The following DOCK3 variants were observed in gnomAD, a reference collection of about 807,000 sequenced individuals.
The protein encoded by DOCK3 is dedicator of cytokinesis 3, also known as dedicator of cytokinesis protein 3.
Under a neutral mutation model 265.6 loss-of-function variants are expected in DOCK3, and 60 were observed. The ratio of observed to expected loss-of-function variants is 0.23; its 90% confidence interval spans 0.18 to 0.28. The LOEUF (loss-of-function observed/expected upper bound fraction) is 0.28. DOCK3 is among the 10% of genes least tolerant of loss of function. The probability of loss-of-function intolerance (pLI) is 1.00; values close to 1 mark genes in which losing one functional copy is unlikely to be tolerated. For missense variants in DOCK3, 1,981 were observed against 2,594.3 expected (o/e 0.76, Z 5.14); for synonymous variants, 881 against 938.0 (o/e 0.94, Z 1.11).
At chr3:50,897,594 T>C (rs1009499986) in intron 4 of DOCK3, among the ~76,000 whole-genome samples, 1 of 152,212 alleles carries the variant, frequency 6.6e-6, no homozygotes, top group Non-Finnish European at 1.5e-5. Context: ...CTTTTGCCCA[T>C]TGAGTATGAC....
At chr3:50,716,488 AC>A (rs1256847491) in intron 1 of DOCK3, among the ~76,000 whole-genome samples, 1 of 152,066 alleles carries the variant, frequency 6.6e-6, no homozygotes, top group Non-Finnish European at 1.5e-5. Context: ...AGATCACGCC[AC>A]TGCACTCCAG....
At chr3:51,249,680 GC>G (rs2079086459) in intron 22 of DOCK3, among the ~76,000 whole-genome samples, 1 of 120,602 alleles carries the variant, frequency 8.3e-6, no homozygotes, top group Non-Finnish European at 1.8e-5. Flanking sequence ...CCGGCCAGCC[GC>G]CCCGTCCGGG....
At chr3:50,859,560 C>A (rs2609016) in intron 3 of DOCK3, among the ~76,000 whole-genome samples, 15,068 of 151,944 alleles carry the variant, frequency 0.099, 927 homozygotes, top group Non-Finnish European at 0.13. Context: ...GGCCAGAGTT[C>A]TTACATTGAT....
intron 3 of DOCK3, among the ~76,000 whole-genome samples, chr3:50,860,429 A>C (rs370770074): frequency 4.0e-5 from 6 of 151,886 alleles, no homozygotes; most frequent in African/African-American, 1.2e-4. Context: ...CAGTGAGGAG[A>C]TATGGGAACA....
intron 22 of DOCK3, among the ~76,000 whole-genome samples, chr3:51,249,422 G>A (rs2079054349): frequency 7.6e-6 from 1 of 131,918 alleles, no homozygotes; most frequent in Admixed American, 7.1e-5. Context: ...CGGGAGGTGA[G>A]GGGCGCCTCT....
intron 1 of DOCK3, among the ~76,000 whole-genome samples, chr3:50,706,493 C>T (rs964252693): frequency 8.6e-5 from 13 of 152,028 alleles, no homozygotes; most frequent in Admixed American, 1.3e-4. Context: ...ATATGTTATT[C>T]GATGCTTTTT....
intron 35 of DOCK3, among the ~76,000 whole-genome samples, chr3:51,336,487 C>T (rs963031519): frequency 5.9e-5 from 9 of 152,130 alleles, no homozygotes; most frequent in Non-Finnish European, 1.2e-4. Context: ...TGAGGGCTTC[C>T]TGGTCACTGA....
At chr3:51,174,230 C>T (rs763555272) in intron 12 of DOCK3, among the ~76,000 whole-genome samples, 12 of 151,950 alleles carry the variant, frequency 7.9e-5, no homozygotes, top group East Asian at 1.9e-4. Context: ...TGAGGTTAGG[C>T]GGATCACATG....
At chr3:51,264,852 A>ATAAATAAATAAATAAC (rs2080073442) in intron 23 of DOCK3, among the ~76,000 whole-genome samples, 1 of 151,314 alleles carries the variant, frequency 6.6e-6, no homozygotes, top group Admixed American at 6.6e-5. Flanking sequence ...AAATAAATAA[A>ATAAATAAATAAATAAC]TAAATAACTT....
chr3:50,988,204 G>A (rs917950021), intron 5 of DOCK3, among the ~76,000 whole-genome samples: 1 of 152,102 alleles, frequency 6.6e-6, no homozygotes, highest in African/African-American at 2.4e-5. Context: ...GGGCTTTGGA[G>A]AGTCTGAGCT....
chr3:51,333,810 A>C (rs1576838686), intron 35 of DOCK3, among the ~76,000 whole-genome samples: 1 of 151,920 alleles, frequency 6.6e-6, no homozygotes, highest in East Asian at 1.9e-4. Flanking sequence ...GAGCTCAGAG[A>C]TCTTCATATT....
intron 5 of DOCK3, among the ~76,000 whole-genome samples, chr3:51,014,869 T>C (rs2079090076): frequency 6.6e-6 from 1 of 152,150 alleles, no homozygotes; most frequent in African/African-American, 2.4e-5. Context: ...TTCTTTGATT[T>C]AATTAATTTC....
chr3:50,830,104 A>G (rs1336780130), intron 2 of DOCK3, among the ~76,000 whole-genome samples: 2 of 152,200 alleles, frequency 1.3e-5, no homozygotes, highest in East Asian at 1.9e-4. Flanking sequence ...TTATTTTTAC[A>G]AGTGATTGGC....
intron 39 of DOCK3, among the ~76,000 whole-genome samples, chr3:51,349,614 G>A (rs1024202092): frequency 1.3e-5 from 2 of 152,200 alleles, no homozygotes; most frequent in African/African-American, 4.8e-5. Context: ...ATGCATTATA[G>A]CTATCTTCCC....
At chr3:50,829,361 C>T (rs2044986488) in intron 2 of DOCK3, among the ~76,000 whole-genome samples, 1 of 152,172 alleles carries the variant, frequency 6.6e-6, no homozygotes, top group African/African-American at 2.4e-5. Flanking sequence ...GTCAGCCTCT[C>T]AGCTGCTGCT....
intron 2 of DOCK3, among the ~76,000 whole-genome samples, chr3:50,791,258 CTTTTTTTTTTTTT>C (rs34015684): frequency 1.6e-5 from 1 of 62,782 alleles, no homozygotes; most frequent in African/African-American, 6.0e-5. Flanking sequence ...TTAAATCTAT[CTTTTTTTTTTTTT>C]TTTTTTTTTT....
chr3:51,003,335 CAG>C (rs1389931058), intron 5 of DOCK3, among the ~76,000 whole-genome samples: 55 of 152,298 alleles, frequency 3.6e-4, no homozygotes, highest in Non-Finnish European at 5.9e-5. Flanking sequence ...GAGAGCCATA[CAG>C]CAAAGCAGGT....
chr3:51,032,385 A>T (rs1362322866), intron 5 of DOCK3, among the ~76,000 whole-genome samples: 1 of 152,164 alleles, frequency 6.6e-6, no homozygotes, highest in Non-Finnish European at 1.5e-5. Flanking sequence ...ATTGAGAAAT[A>T]ATTTACATAG....
chr3:51,052,601 C>G (rs925359659), intron 5 of DOCK3, among the ~76,000 whole-genome samples: 1 of 152,202 alleles, frequency 6.6e-6, no homozygotes, highest in Non-Finnish European at 1.5e-5. Context: ...AATTTCAGCT[C>G]TTTTCGTGTG....
Sources: gnomAD v4.1 joint callset for allele counts (sites outside exome capture counted in the v4.1 genomes callset) on GRCh38, gnomAD v4.1.1 for gene constraint, MANE v1.5 for transcripts, NCBI Gene and HGNC (gene_info 2026-07-23, HGNC 2026-07-21) for gene names.